The following EEPD1 variants were observed in gnomAD, a reference collection of about 807,000 sequenced individuals.
EEPD1 encodes endonuclease/exonuclease/phosphatase family domain containing 1.
A neutral mutation model predicts 46.3 loss-of-function variants in EEPD1; 17 were observed. The observed-to-expected ratio is 0.37, with a 90% CI of 0.25 to 0.55. The LOEUF (loss-of-function observed/expected upper bound fraction) is 0.55, where lower values mean the gene tolerates loss of function less well. EEPD1 is among the 20% of genes least tolerant of loss of function. The pLI, the probability that EEPD1 is intolerant of heterozygous loss-of-function variation, is 0.83. For synonymous variants in EEPD1, 313 were observed against 315.6 expected, an observed-to-expected ratio of 0.99 and a Z score of 0.09; for missense variants, 673 against 745.6, an observed-to-expected ratio of 0.90 and a Z score of 1.13.
At chr7:36,292,467 TTC>T (rs901816376) in intron 6 of EEPD1, among the ~76,000 whole-genome samples, 2 of 150,372 alleles carry the variant, frequency 1.3e-5, no homozygotes, top group African/African-American at 2.4e-5. Context: ...CTCCTTGTCT[TTC>T]TCTCTCTCTC....
intron 2 of EEPD1, among the ~76,000 whole-genome samples, chr7:36,158,939 G>A (rs1049703729): frequency 6.6e-6 from 1 of 152,192 alleles, no homozygotes; most frequent in African/African-American, 2.4e-5. Context: ...CATTTTCCCT[G>A]TGGCCTACAT....
chr7:36,248,007 A>G (rs1018082104), intron 3 of EEPD1, among the ~76,000 whole-genome samples: 1 of 152,108 alleles, frequency 6.6e-6, no homozygotes, highest in East Asian at 1.9e-4. Flanking sequence ...GATGTGGACA[A>G]TGTCAAAGGA....
At chr7:36,235,938 T>TG (rs1786426390) in intron 2 of EEPD1, among the ~76,000 whole-genome samples, 1 of 151,576 alleles carries the variant, frequency 6.6e-6, no homozygotes, top group South Asian at 2.1e-4. Flanking sequence ...TTTTTTTTTT[T>TG]TTTTGAGACA....
chr7:36,161,420 G>T (rs144329376), intron 2 of EEPD1, among the ~76,000 whole-genome samples: 1 of 151,960 alleles, frequency 6.6e-6, no homozygotes, highest in Admixed American at 6.6e-5. Context: ...CTCAGCATTC[G>T]GTCAGGGATG....
chr7:36,199,258 A>C (rs1413974653), intron 2 of EEPD1, among the ~76,000 whole-genome samples: 1 of 152,184 alleles, frequency 6.6e-6, no homozygotes, highest in Non-Finnish European at 1.5e-5. Flanking sequence ...TTTGGGTATC[A>C]GGAAACTGAG....
At chr7:36,216,131 A>G (rs757366472) in intron 2 of EEPD1, among the ~76,000 whole-genome samples, 1 of 152,234 alleles carries the variant, frequency 6.6e-6, no homozygotes, top group Non-Finnish European at 1.5e-5. Flanking sequence ...AAAATCCTAT[A>G]CATAGTATTC....
intron 3 of EEPD1, among the ~76,000 whole-genome samples, chr7:36,269,750 A>G (rs1024424581): frequency 8.9e-6 from 1 of 111,822 alleles, no homozygotes. Flanking sequence ...TAAAATTTTA[A>G]AAAATAAAGC....
chr7:36,239,624 G>C (rs1194084907), intron 3 of EEPD1, among the ~76,000 whole-genome samples: 2 of 152,102 alleles, frequency 1.3e-5, no homozygotes, highest in Admixed American at 1.3e-4. Context: ...ACGTTTCACT[G>C]TGCCCTGGAA....
At position 36,287,717 on chromosome 7, in the gene EEPD1, A is replaced by T; in HGVS notation, c.1255A>T (p.Asn419Tyr). 6.2e-7 allele frequency: 1 copy of T among 1,614,188 alleles called. No individual in the cohort carries two copies. The highest frequency in any genetic ancestry group is 2.2e-5 in the East Asian group (1 of 44,882). The change falls in exon 6 of 8, where the codon AAT becomes TAT. Residue 419 changes from asparagine (N) to tyrosine (Y), a missense_variant. Physicochemically the swap from Asn to Tyr is moderately radical, Grantham distance 143. Transcript: ENST00000242108. ...CCTGGGGAGCGAGAATCCCAGCAAG[A>T]ATCACAGTGATGGCCACCGGTTGGC... Reference protein sequence around the residue: ...TLLGSENPSKNHSDGHRLASF... With the variant: ...TLLGSENPSKYHSDGHRLASF...
intron 2 of EEPD1, among the ~76,000 whole-genome samples, chr7:36,175,565 A>G (rs1323699604): frequency 1.3e-5 from 2 of 151,598 alleles, no homozygotes; most frequent in African/African-American, 4.9e-5. Flanking sequence ...AGATTATTAG[A>G]GTCACATTTA....
intron 3 of EEPD1, among the ~76,000 whole-genome samples, chr7:36,273,831 T>A (rs1787147297): frequency 6.6e-6 from 1 of 152,204 alleles, no homozygotes; most frequent in South Asian, 2.1e-4. Context: ...CCCATAAATG[T>A]GGCCCTCTGA....
At chr7:36,288,664 A>C (rs894383005) in intron 6 of EEPD1, among the ~76,000 whole-genome samples, 1 of 151,790 alleles carries the variant, frequency 6.6e-6, no homozygotes, top group Non-Finnish European at 1.5e-5. Flanking sequence ...CAGGAGGTTG[A>C]GGAGGGAGAA....
chr7:36,183,184 T>A (rs1479992127), intron 2 of EEPD1, among the ~76,000 whole-genome samples: 1 of 152,164 alleles, frequency 6.6e-6, no homozygotes, highest in Non-Finnish European at 1.5e-5. Flanking sequence ...TGTTCCTGAG[T>A]GTCTTTGCTG....
At chr7:36,290,885 G>C (rs1787418807) in intron 6 of EEPD1, among the ~76,000 whole-genome samples, 2 of 152,220 alleles carry the variant, frequency 1.3e-5, no homozygotes, top group Non-Finnish European at 2.9e-5. Flanking sequence ...CAGGTGGGTG[G>C]CTTTTTAGGA....
chr7:36,167,436 T>C (rs2115617877), intron 2 of EEPD1, among the ~76,000 whole-genome samples: 1 of 152,280 alleles, frequency 6.6e-6, no homozygotes, highest in Middle Eastern at 3.4e-3. Flanking sequence ...CCAAGGGGAA[T>C]GGCTTTCTTG....
intron 3 of EEPD1, among the ~76,000 whole-genome samples, chr7:36,247,515 A>G (rs1300169306): frequency 1.3e-5 from 2 of 152,268 alleles, no homozygotes; most frequent in African/African-American, 4.8e-5. Flanking sequence ...GTGATTATAA[A>G]GATACATTTA....
chr7:36,200,995 C>A (rs1277592598), intron 2 of EEPD1, among the ~76,000 whole-genome samples: 2 of 152,196 alleles, frequency 1.3e-5, no homozygotes, highest in African/African-American at 4.8e-5. Context: ...ATGGGACATA[C>A]CTGTCATCCT....
rs368854492 is a variant in EEPD1 at position 36,301,389 on chromosome 7, G to A, written c.*2183G>A. 1 of 152,328 alleles carries A rather than the reference G, an allele frequency of 6.6e-6. No individual in the cohort carries two copies. The highest frequency in any genetic ancestry group is 6.5e-5 in the Admixed American group (1 of 15,300). The allele number at this position is 152,328 out of a possible 1,614,324, so 9.4% of individuals were successfully genotyped here. A position where few individuals can be genotyped will look rare whatever the true frequency, so the allele number is the denominator to read the frequency against. Reference sequence around the variant, plus strand: ...TTTACAGAAAAATTAGGCACAAAGGGATTCCCATATCCCTCCTCTTCTTTG... The same window carrying A: ...TTTACAGAAAAATTAGGCACAAAGGAATTCCCATATCCCTCCTCTTCTTTG... On this transcript the variant is annotated 3_prime_UTR_variant, in exon 8 of 8. Transcript: ENST00000242108.
At chr7:36,238,480 A>T (rs974416997) in intron 2 of EEPD1, among the ~76,000 whole-genome samples, 9 of 152,210 alleles carry the variant, frequency 5.9e-5, no homozygotes, top group African/African-American at 2.2e-4. Flanking sequence ...ATCTCATATA[A>T]GTGGGATCGT....
Sources: allele counts gnomAD v4.1 joint callset (sites outside exome capture counted in the v4.1 genomes callset), GRCh38; gene constraint gnomAD v4.1.1; transcripts MANE v1.5; gene names NCBI Gene and HGNC (gene_info 2026-07-23, HGNC 2026-07-21).